The following ARFGEF3 variants were observed in gnomAD, a reference collection of about 807,000 sequenced individuals.
ARFGEF3 encodes the protein brefeldin A-inhibited guanine nucleotide-exchange protein 3.
ARFGEF3 carries 96 observed loss-of-function variants against 221.7 expected under a neutral mutation model. The ratio of observed to expected loss-of-function variants is 0.43; its 90% CI spans 0.37 to 0.51. The LOEUF (loss-of-function observed/expected upper bound fraction) is 0.51. ARFGEF3 is among the 20% of genes least tolerant of loss of function. ARFGEF3 has a pLI of 0.00. For synonymous variants in ARFGEF3, 1,145 were observed against 1,126.8 expected (o/e 1.02, Z -0.32); for missense variants, 2,410 against 2,789.9 (o/e 0.86, Z 3.07).
chr6:138,324,046 C>A lies in ARFGEF3; in HGVS notation c.4893C>A (p.Ser1631Arg), dbSNP rs755361009. 6.2e-7 allele frequency: 1 copy of A among 1,613,640 alleles called. No individual in the cohort carries two copies. Among genetic ancestry groups the A allele is most frequent in the African/African-American group, 1.3e-5 (1 of 74,912 alleles). ...AGGACCTGCTGGGCTGCTTCCACAG[C>A]GGCACGGAGAGCTTCAGCGGGGAAG... ...PVKDLLGCFHSGTESFSGEGC... is the reference protein window; with the variant it reads ...PVKDLLGCFHRGTESFSGEGC... Residue 1631 changes from serine to arginine, a missense_variant, in exon 31 of 34, where the codon AGC becomes AGA. Coordinates refer to ENST00000251691, the MANE Select transcript of ARFGEF3 (RefSeq NM_020340.5).
intron 22 of ARFGEF3, among the ~76,000 whole-genome samples, chr6:138,306,658 G>C: frequency 6.6e-6 from 1 of 152,076 alleles, no homozygotes; most frequent in East Asian, 1.9e-4. Context: ...ATAATCAATT[G>C]ATTTTTGATG....
intron 4 of ARFGEF3, among the ~76,000 whole-genome samples, chr6:138,210,536 G>A (rs374896924): frequency 8.7e-5 from 13 of 149,252 alleles, no homozygotes; most frequent in South Asian, 2.1e-4. Flanking sequence ...TCCAAGTACC[G>A]CCTTCCTTTT....
intron 18 of ARFGEF3, among the ~76,000 whole-genome samples, chr6:138,290,294 C>A (rs559877628): frequency 6.6e-6 from 1 of 152,290 alleles, no homozygotes; most frequent in East Asian, 1.9e-4. Context: ...CTGTGCAAAT[C>A]TAAAACTGGT....
At chr6:138,227,761 A>C (rs909583506) in intron 4 of ARFGEF3, among the ~76,000 whole-genome samples, 6 of 152,222 alleles carry the variant, frequency 3.9e-5, no homozygotes, top group Non-Finnish European at 7.3e-5. Context: ...GCAAATAAGC[A>C]AACAAGTCAT....
intron 2 of ARFGEF3, among the ~76,000 whole-genome samples, chr6:138,190,083 C>CA (rs1777269408): frequency 2.9e-5 from 4 of 137,322 alleles, no homozygotes; most frequent in South Asian, 4.9e-4. Flanking sequence ...GATTCTGTCT[C>CA]AAAAAAAATA....
intron 4 of ARFGEF3, chr6:138,217,919 A>G: frequency 1.3e-6 from 2 of 1,521,626 alleles, no homozygotes; most frequent in Non-Finnish European, 1.8e-6. Flanking sequence ...TTAAACAGTC[A>G]TTGGTAGCAG....
At chr6:138,214,835 A>T (rs1777805506) in intron 4 of ARFGEF3, among the ~76,000 whole-genome samples, 1 of 152,220 alleles carries the variant, frequency 6.6e-6, no homozygotes, top group African/African-American at 2.4e-5. Flanking sequence ...GAATGAGGTT[A>T]AATCACTTAG....
At position 138,341,800 on chromosome 6, in the gene ARFGEF3, T is replaced by A. The variant is rs1322442875; in HGVS notation, c.*5314T>A. 6.6e-6 allele frequency: 1 copy of A among 152,210 alleles called. No individual in the cohort carries two copies. The highest frequency in any genetic ancestry group is 1.9e-4 in the East Asian group (1 of 5,206). 9.4% of individuals were successfully genotyped at this position (152,210 alleles called of 1,614,324 possible). On this transcript the variant is annotated 3_prime_UTR_variant, in exon 34 of 34. Coordinates refer to ENST00000251691, the MANE Select transcript of ARFGEF3 (RefSeq NM_020340.5). ...ACCCTTTAGATTTCCAAAACACAAT[T>A]CTTATTTCAGGGAAGACAGACCAAA...
Position 138,327,436 on chromosome 6 carries a change from G to A in ARFGEF3, c.5002-585G>A, listed in dbSNP as rs373506726. 3.3e-4 allele frequency among the ~76,000 whole-genome samples: 50 copies of A among 152,224 alleles called. No individual in the cohort carries two copies. In the East Asian group the frequency reaches 5.6e-3, roughly 17 times the overall value. On this transcript the variant is annotated intron_variant, in intron 31 of 33. Transcript: ENST00000251691. ...TGCACTCCAGCCTGGACAACAGAGT[G>A]AGACCCTGTTTCAAAAAATATATAT...
At chr6:138,171,424 G>A (rs905051284) in intron 2 of ARFGEF3, among the ~76,000 whole-genome samples, 21 of 152,272 alleles carry the variant, frequency 1.4e-4, no homozygotes, top group African/African-American at 5.1e-4. Flanking sequence ...CCTACACTAG[G>A]TAGTGTGGAT....
chr6:138,316,579 A>T (rs1235902429), intron 26 of ARFGEF3, among the ~76,000 whole-genome samples: 1 of 152,230 alleles, frequency 6.6e-6, no homozygotes, highest in African/African-American at 2.4e-5. Context: ...TCCATAGGTT[A>T]AGGCAAATCC....
intron 12 of ARFGEF3, among the ~76,000 whole-genome samples, chr6:138,275,288 GAGGTGGTTTTGTGGGAATAATATA>G (rs1256971064): frequency 2.0e-5 from 3 of 152,062 alleles, no homozygotes; most frequent in South Asian, 4.2e-4. Context: ...TTGATTGTCT[GAGGTGGTTTTGTGGGAATAATATA>G]AGGTGGTTTT....
rs778142598 is a variant in ARFGEF3 at position 138,334,366 on chromosome 6, C to G, written c.5520C>G (p.Val1840=). 2 of 1,613,628 alleles carry G rather than the reference C, an allele frequency of 1.2e-6. No homozygotes were observed. Among genetic ancestry groups the G allele is most frequent in the African/African-American group, 1.3e-5 (1 of 74,890 alleles). ...TCACGGCCGAGCAAGTGAAGAAGGT[C>G]CTTTTTGAGGACGACGAGAGAAGCA... ...ETITAEQVKK[V]LFEDDERSTD... is the part of the protein sequence containing the mutation. Residue 1840 remains valine, a synonymous_variant, in exon 33 of 34, where the codon GTC becomes GTG. Coordinates refer to ENST00000251691, the MANE Select transcript of ARFGEF3 (RefSeq NM_020340.5). The surrounding 1 kb of genome is among the most constrained non-coding windows in gnomAD (Gnocchi z 5.1).
intron 2 of ARFGEF3, among the ~76,000 whole-genome samples, chr6:138,205,602 G>C (rs1329800325): frequency 6.6e-6 from 1 of 152,092 alleles, no homozygotes; most frequent in Non-Finnish European, 1.5e-5. Flanking sequence ...TACAGTGTTT[G>C]CCTTGTAATT....
At chr6:138,218,098 A>G in intron 4 of ARFGEF3, 4 of 1,613,988 alleles carry the variant, frequency 2.5e-6, no homozygotes, top group Non-Finnish European at 3.4e-6. Flanking sequence ...TCTGAAGATA[A>G]TGAGGAACAT....
At chr6:138,333,420 T>C (rs1348770041) in intron 32 of ARFGEF3, among the ~76,000 whole-genome samples, 3 of 152,124 alleles carry the variant, frequency 2.0e-5, no homozygotes, top group Non-Finnish European at 2.9e-5. Flanking sequence ...TTTGGCATAA[T>C]AACTTATATT....
At position 138,298,739 on chromosome 6, in the gene ARFGEF3, A is replaced by G. The variant is rs1779569008; in HGVS notation, c.3782A>G (p.Glu1261Gly). 1.9e-6 allele frequency: 3 copies of G among 1,613,512 alleles called. No individual in the cohort carries two copies. Among genetic ancestry groups the G allele is most frequent in the Non-Finnish European group, 2.5e-6 (3 of 1,179,822 alleles). ...AATGAAGCACTCTTCCGACCTTTCGAGCGCATTATGCAGCTGGAATTGTGT... is the reference window on the plus strand; with the variant it reads ...AATGAAGCACTCTTCCGACCTTTCGGGCGCATTATGCAGCTGGAATTGTGT... ...HFNEALFRPFERIMQLELCDE... is the reference protein window; with the variant it reads ...HFNEALFRPFGRIMQLELCDE... Residue 1261 changes from glutamate to glycine, a missense_variant, in exon 22 of 34, where the codon GAG (glutamate) becomes GGG (glycine). Around this residue, in one of 5 missense-constraint regions of ARFGEF3, gnomAD observed 723 missense variants for 991.9 expected, o/e 0.73. Coordinates refer to ENST00000251691, the MANE Select transcript of ARFGEF3 (RefSeq NM_020340.5).
chr6:138,330,028 G>A (rs1780197394), intron 32 of ARFGEF3, among the ~76,000 whole-genome samples: 1 of 152,134 alleles, frequency 6.6e-6, no homozygotes, highest in South Asian at 2.1e-4. Context: ...TGCTCAGTAG[G>A]GGAGCTTTTG....
intron 29 of ARFGEF3, 25 bp downstream of exon 29, chr6:138,321,250 C>T: frequency 8.2e-7 from 1 of 1,219,674 alleles, no homozygotes; most frequent in South Asian, 1.4e-5. Flanking sequence ...TCCTGACTCT[C>T]CACAAAGCTG....
Sources: allele counts gnomAD v4.1 joint callset (sites outside exome capture counted in the v4.1 genomes callset), GRCh38; gene constraint gnomAD v4.1.1; regional missense constraint gnomAD v4.1.1; non-coding constraint Gnocchi (gnomAD v3.1); transcripts MANE v1.5; gene names NCBI Gene and HGNC (gene_info 2026-07-23, HGNC 2026-07-21).